The following MEIS2 variants were observed in gnomAD, a reference collection of about 807,000 sequenced individuals.
MEIS2 encodes the protein Meis homeobox 2.
In MEIS2, 9 loss-of-function variants were observed where a neutral mutation model predicts 58.6. The observed-to-expected ratio is 0.15, with a 90% CI of 0.09 to 0.27. The LOEUF (loss-of-function observed/expected upper bound fraction) is 0.27, where lower values mean the gene tolerates loss of function less well. MEIS2 is among the 10% of genes least tolerant of loss of function. MEIS2 has a pLI of 1.00. For synonymous variants in MEIS2, 221 were observed against 228.4 expected (o/e 0.97, Z 0.29); for missense variants, 427 against 635.0 (o/e 0.67, Z 3.52).
At chr15:36,911,072 C>G (rs926763986) in intron 9 of MEIS2, among the ~76,000 whole-genome samples, 3 of 146,110 alleles carry the variant, frequency 2.1e-5, no homozygotes, top group Non-Finnish European at 4.5e-5. Flanking sequence ...AAGAACTTTT[C>G]TATCTCAAAG....
chr15:36,970,255 TTAGC>T (rs2059495147), intron 8 of MEIS2, among the ~76,000 whole-genome samples: 1 of 151,822 alleles, frequency 6.6e-6, no homozygotes, highest in Non-Finnish European at 1.5e-5. Context: ...TACAAAAAAA[TTAGC>T]CAGGCGTGGT....
chr15:37,079,863 T>C (rs1891957544), intron 7 of MEIS2, among the ~76,000 whole-genome samples: 1 of 152,058 alleles, frequency 6.6e-6, no homozygotes. Flanking sequence ...AATGCTAATG[T>C]ATTTAGGTTA....
intron 6 of MEIS2, among the ~76,000 whole-genome samples, chr15:37,087,223 G>A (rs1892997920): frequency 6.6e-6 from 1 of 152,148 alleles, no homozygotes; most frequent in African/African-American, 2.4e-5. Flanking sequence ...CCGAGGGCAA[G>A]GAGTGAACAT....
chr15:36,958,936 CTTAT>C (rs2059087616), intron 8 of MEIS2, among the ~76,000 whole-genome samples: 1 of 152,080 alleles, frequency 6.6e-6, no homozygotes, highest in East Asian at 1.9e-4. Flanking sequence ...GAATTTTGTA[CTTAT>C]TTATTTTATG....
At chr15:36,965,670 G>T (rs988515317) in intron 8 of MEIS2, among the ~76,000 whole-genome samples, 4 of 152,144 alleles carry the variant, frequency 2.6e-5, no homozygotes, top group Admixed American at 2.6e-4. Context: ...GAAGAAACTT[G>T]AAAGAAACAA....
intron 8 of MEIS2, among the ~76,000 whole-genome samples, chr15:37,023,027 T>TTTA (rs2061577518): frequency 6.6e-6 from 1 of 152,234 alleles, no homozygotes; most frequent in African/African-American, 2.4e-5. Flanking sequence ...GCCTGTTATA[T>TTTA]AATGTTACAT....
intron 7 of MEIS2, among the ~76,000 whole-genome samples, chr15:37,067,596 T>TAAAAA (rs5811961): frequency 1.4e-5 from 2 of 144,714 alleles, no homozygotes; most frequent in Non-Finnish European, 1.5e-5. Context: ...AATCAGAAAT[T>TAAAAA]AAAAAAAAAA....
intron 8 of MEIS2, among the ~76,000 whole-genome samples, chr15:37,018,438 C>G (rs925792626): frequency 2.0e-5 from 3 of 152,200 alleles, no homozygotes; most frequent in African/African-American, 7.2e-5. Flanking sequence ...TTATATTATG[C>G]AACTTCAATC....
intron 8 of MEIS2, among the ~76,000 whole-genome samples, chr15:36,976,987 A>G (rs766094788): frequency 9.9e-5 from 15 of 152,246 alleles, no homozygotes; most frequent in Non-Finnish European, 1.9e-4. Flanking sequence ...TTAGCTGGGC[A>G]TGGTGGCGCA....
chr15:36,966,004 G>A (rs1159326196), intron 8 of MEIS2, among the ~76,000 whole-genome samples: 20 of 152,210 alleles, frequency 1.3e-4, no homozygotes, highest in Admixed American at 1.3e-3. Flanking sequence ...CAAATCTCTG[G>A]AGAAACTCTA....
intron 7 of MEIS2, among the ~76,000 whole-genome samples, chr15:37,063,830 T>C (rs968195804): frequency 3.2e-4 from 48 of 152,276 alleles, no homozygotes; most frequent in African/African-American, 9.6e-4. Flanking sequence ...TCCTTCCTAA[T>C]AGCATATGAC....
chr15:37,020,015 C>A (rs551617777), intron 8 of MEIS2, among the ~76,000 whole-genome samples: 15 of 152,152 alleles, frequency 9.9e-5, no homozygotes, highest in African/African-American at 3.6e-4. Context: ...TGTAGAGAGC[C>A]CTACGAGGAC....
chr15:36,895,057 C>T (rs536381092), intron 11 of MEIS2, 94 bp downstream of exon 11: 2 of 1,118,684 alleles, frequency 1.8e-6, no homozygotes, highest in East Asian at 2.3e-5. Context: ...AATGTTAAAC[C>T]CACCATGACA....
intron 9 of MEIS2, among the ~76,000 whole-genome samples, chr15:36,948,772 T>A (rs1330828682): frequency 6.6e-6 from 1 of 151,970 alleles, no homozygotes; most frequent in Non-Finnish European, 1.5e-5. Flanking sequence ...AGAATATGTA[T>A]GTTTACATAT....
At chr15:37,057,365 TAGTC>T (rs764880675) in intron 7 of MEIS2, among the ~76,000 whole-genome samples, 8 of 152,162 alleles carry the variant, frequency 5.3e-5, no homozygotes, top group Non-Finnish European at 8.8e-5. Context: ...TCTCATAAAT[TAGTC>T]AGGCCATGTG....
chr15:36,894,511 G>A (rs907704365), intron 11 of MEIS2: 5 of 407,270 alleles, frequency 1.2e-5, no homozygotes, highest in Admixed American at 3.8e-5. Context: ...TAAAACACAC[G>A]CAGGCTTGTC....
At chr15:36,908,141 T>G (rs1224708625) in intron 9 of MEIS2, among the ~76,000 whole-genome samples, 2 of 152,186 alleles carry the variant, frequency 1.3e-5, no homozygotes, top group Non-Finnish European at 2.9e-5. Context: ...CAAATAAAAT[T>G]TCCTGACTGC....
chr15:37,014,834 T>C (rs1350082201), intron 8 of MEIS2, among the ~76,000 whole-genome samples: 1 of 114,538 alleles, frequency 8.7e-6, no homozygotes, highest in East Asian at 2.7e-4. Context: ...ACTTAGGTCA[T>C]AGGTCTAAGG....
chr15:36,903,448 A>C (rs2056578891), intron 9 of MEIS2, among the ~76,000 whole-genome samples: 1 of 152,238 alleles, frequency 6.6e-6, no homozygotes, highest in African/African-American at 2.4e-5. Context: ...TTGCAGATGG[A>C]AGTCAACTAG....
Sources: gnomAD v4.1 joint callset for allele counts (sites outside exome capture counted in the v4.1 genomes callset) on GRCh38, gnomAD v4.1.1 for gene constraint, MANE v1.5 for transcripts, NCBI Gene and HGNC (gene_info 2026-07-23, HGNC 2026-07-21) for gene names.